The following ITGA9 variants were observed in gnomAD, a reference collection of about 807,000 sequenced individuals.
ITGA9 encodes the protein integrin subunit alpha 9.
ITGA9 carries 56 observed loss-of-function variants against 127.8 expected under a neutral mutation model. The ratio of observed to expected loss-of-function variants is 0.44; its 90% CI spans 0.35 to 0.55. ITGA9 has a LOEUF of 0.55. Among genes scored for constraint, ITGA9 ranks in the 20% least tolerant of loss-of-function variants. ITGA9 has a pLI of 0.00. For missense variants in ITGA9, 1,196 were observed against 1,347.1 expected, an observed-to-expected ratio of 0.89 and a Z score of 1.76; for synonymous variants, 508 against 514.5, an observed-to-expected ratio of 0.99 and a Z score of 0.17.
At chr3:37,682,735 T>C in intron 17 of ITGA9, among the ~76,000 whole-genome samples, 1 of 152,214 alleles carries the variant, frequency 6.6e-6, no homozygotes, top group South Asian at 2.1e-4. Context: ...CTTCTAGTTA[T>C]TGAATCCAAA....
chr3:37,764,466 TAAA>T (rs10694316), intron 23 of ITGA9, among the ~76,000 whole-genome samples: 2 of 74,656 alleles, frequency 2.7e-5, no homozygotes, highest in Non-Finnish European at 4.8e-5. Flanking sequence ...AGATTCTCAG[TAAA>T]AAAAAAAAAA....
At chr3:37,461,395 A>G (rs1333938885) in intron 1 of ITGA9, among the ~76,000 whole-genome samples, 1 of 152,156 alleles carries the variant, frequency 6.6e-6, no homozygotes, top group African/African-American at 2.4e-5. Flanking sequence ...AAAGAGTAAT[A>G]AGGGTACATC....
chr3:37,512,116 C>CTTTT (rs1553643203), intron 8 of ITGA9, among the ~76,000 whole-genome samples: 9 of 66,324 alleles, frequency 1.4e-4, no homozygotes, highest in South Asian at 5.7e-4. Context: ...TTCCTTCCTT[C>CTTTT]CTTCTTTCTT....
intron 26 of ITGA9, among the ~76,000 whole-genome samples, chr3:37,786,172 C>T (rs1389166342): frequency 6.6e-6 from 1 of 152,156 alleles, no homozygotes; most frequent in Non-Finnish European, 1.5e-5. Flanking sequence ...TTTACCCTCT[C>T]TTAGAACAGT....
At position 37,470,676 on chromosome 3, in the gene ITGA9, A is replaced by AT. The variant is rs570859988; in HGVS notation, c.186-322dup. On this transcript the variant is annotated intron_variant, in intron 1 of 27. Transcript: ENST00000264741. Reference sequence around the variant, plus strand: ...AAAGCGTGCGCTGCCTTGCCTGGCCATTTTTTTTTGTGAAGATGGGATTTG... The same window carrying AT: ...AAAGCGTGCGCTGCCTTGCCTGGCCATTTTTTTTTTGTGAAGATGGGATTTG... Among the ~76,000 whole-genome samples, 284 of 150,706 alleles carry AT rather than the reference A, an allele frequency of 1.9e-3. 1 individual carries two copies. Among genetic ancestry groups the AT allele is most frequent in the African/African-American group, 5.7e-3 (235 of 41,066 alleles).
At chr3:37,565,829 C>G (rs1390737865) in intron 15 of ITGA9, among the ~76,000 whole-genome samples, 1 of 152,192 alleles carries the variant, frequency 6.6e-6, no homozygotes, top group East Asian at 1.9e-4. Context: ...TCTAGGGACC[C>G]CAGTGTGGAA....
At chr3:37,545,028 G>A (rs9817802) in intron 15 of ITGA9, among the ~76,000 whole-genome samples, 6,153 of 152,324 alleles carry the variant, frequency 0.04, 404 homozygotes, top group African/African-American at 0.14. Context: ...GCACCGCCCC[G>A]GCTTACTGGC....
intron 26 of ITGA9, chr3:37,790,242 C>T (rs1437850827): frequency 1.8e-6 from 1 of 551,192 alleles, no homozygotes; most frequent in Non-Finnish European, 3.6e-6. Context: ...AATCAACATA[C>T]ACATCTTTTA....
chr3:37,700,175 G>A (rs1037591474), intron 18 of ITGA9, among the ~76,000 whole-genome samples: 1 of 152,020 alleles, frequency 6.6e-6, no homozygotes, highest in African/African-American at 2.4e-5. Context: ...GTAGAGATGG[G>A]GTTTCACCAT....
chr3:37,488,730 G>A (rs546337344), intron 4 of ITGA9, among the ~76,000 whole-genome samples: 3 of 151,888 alleles, frequency 2.0e-5, no homozygotes, highest in Admixed American at 6.6e-5. Context: ...CCTGGGAGGC[G>A]GCGGTTGTGG....
chr3:37,689,739 G>C (rs1436638235), intron 18 of ITGA9, among the ~76,000 whole-genome samples: 1 of 152,192 alleles, frequency 6.6e-6, no homozygotes, highest in Non-Finnish European at 1.5e-5. Context: ...CAGCTCTATG[G>C]CCCTGGAGTC....
At chr3:37,644,729 A>G (rs192842784) in intron 16 of ITGA9, among the ~76,000 whole-genome samples, 32 of 152,260 alleles carry the variant, frequency 2.1e-4, no homozygotes, top group Non-Finnish European at 3.2e-4. Context: ...CCGGGTTTGT[A>G]TTTAAAGGGA....
At chr3:37,792,245 G>A (rs556921234) in intron 26 of ITGA9, among the ~76,000 whole-genome samples, 1 of 152,268 alleles carries the variant, frequency 6.6e-6, no homozygotes, top group South Asian at 2.1e-4. Flanking sequence ...ATTTATTGAG[G>A]GCTTGCTAAG....
intron 18 of ITGA9, among the ~76,000 whole-genome samples, chr3:37,685,052 CA>C (rs201547535): frequency 0.011 from 1,718 of 152,286 alleles, 11 homozygotes; most frequent in East Asian, 0.022. Context: ...GGACTGCTTG[CA>C]GCTTTTTAAT....
intron 15 of ITGA9, among the ~76,000 whole-genome samples, chr3:37,588,434 C>T (rs1285647944): frequency 6.6e-6 from 1 of 152,110 alleles, no homozygotes; most frequent in Non-Finnish European, 1.5e-5. Flanking sequence ...CAGAGGCTGC[C>T]CTTGGACCTC....
chr3:37,575,062 G>C (rs1002376405), intron 15 of ITGA9, among the ~76,000 whole-genome samples: 3 of 152,168 alleles, frequency 2.0e-5, no homozygotes, highest in African/African-American at 7.2e-5. Flanking sequence ...TTGCATTTCA[G>C]TGTTTGATGA....
intron 18 of ITGA9, among the ~76,000 whole-genome samples, chr3:37,692,612 A>T (rs1298101892): frequency 6.6e-6 from 1 of 152,126 alleles, no homozygotes; most frequent in African/African-American, 2.4e-5. Flanking sequence ...TGATTTTTTT[A>T]AAATAATGCT....
chr3:37,774,822 C>T (rs956758019), intron 23 of ITGA9, among the ~76,000 whole-genome samples: 2 of 152,182 alleles, frequency 1.3e-5, no homozygotes, highest in Non-Finnish European at 2.9e-5. Flanking sequence ...AGGCAACATC[C>T]TCTTTTCTAA....
At position 37,533,393 on chromosome 3, in the gene ITGA9, G is replaced by A. The variant is rs369791724; in HGVS notation, c.1453G>A (p.Gly485Arg). The change falls in exon 14 of 28, where the codon GGA (glycine) becomes AGA (arginine). Residue 485 changes from glycine to arginine, a missense_variant. Gly to Arg is a moderately radical substitution (Grantham distance 125, BLOSUM62 -2). Transcript: ENST00000264741. ...CATCACAGCGCCTCAGTGTCACGAC[G>A]GACAGCAGCCTGTGAACTGCCTGAA... The part of the protein sequence containing the change: ...INITAPQCHD[G>R]QQPVNCLNVT... 2.5e-5 allele frequency: 41 copies of A among 1,614,130 alleles called. No individual in the cohort carries two copies. In the East Asian group the frequency reaches 3.6e-4, roughly 14 times the overall value.
Sources: gnomAD v4.1 joint callset for allele counts (sites outside exome capture counted in the v4.1 genomes callset) on GRCh38, gnomAD v4.1.1 for gene constraint, MANE v1.5 for transcripts, NCBI Gene and HGNC (gene_info 2026-07-23, HGNC 2026-07-21) for gene names.